The following CADM2 variants were observed in gnomAD, a reference collection of about 807,000 sequenced individuals.
The protein encoded by CADM2 is cell adhesion molecule 2.
In CADM2, 12 loss-of-function variants were observed where a neutral mutation model predicts 49.8. The observed-to-expected ratio is 0.24, with a 90% CI of 0.15 to 0.39. The LOEUF (loss-of-function observed/expected upper bound fraction) is 0.39. CADM2 is among the 10% of genes least tolerant of loss of function. The pLI, the probability that CADM2 is intolerant of heterozygous loss-of-function variation, is 1.00. For missense variants in CADM2, 378 were observed against 492.3 expected, an observed-to-expected ratio of 0.77 and a Z score of 2.20; for synonymous variants, 214 against 175.4, an observed-to-expected ratio of 1.22 and a Z score of -1.74.
intron 1 of CADM2, among the ~76,000 whole-genome samples, chr3:85,147,358 AG>A (rs2039781719): frequency 6.9e-6 from 1 of 145,468 alleles, no homozygotes; most frequent in Non-Finnish European, 1.5e-5. Context: ...CAGATTGTTT[AG>A]GCAGTGACAA....
At chr3:85,642,453 G>A (rs971185833) in intron 1 of CADM2, among the ~76,000 whole-genome samples, 1 of 151,972 alleles carries the variant, frequency 6.6e-6, no homozygotes, top group Admixed American at 6.6e-5. Context: ...TAACCTCATA[G>A]CAAGGAGGAA....
chr3:85,051,047 T>A (rs1208987369), intron 1 of CADM2, among the ~76,000 whole-genome samples: 1 of 152,192 alleles, frequency 6.6e-6, no homozygotes, highest in Non-Finnish European at 1.5e-5. Context: ...GCTCGAGGCC[T>A]TTCCAAAGCT....
intron 1 of CADM2, among the ~76,000 whole-genome samples, chr3:85,400,926 G>A (rs559788208): frequency 1.3e-5 from 2 of 152,196 alleles, no homozygotes; most frequent in South Asian, 4.1e-4. Context: ...AATCAGTTGT[G>A]TTGTATTTCT....
At chr3:85,144,291 G>C (rs72907139) in intron 1 of CADM2, among the ~76,000 whole-genome samples, 1 of 150,540 alleles carries the variant, frequency 6.6e-6, no homozygotes, top group Admixed American at 6.7e-5. Context: ...AATCTTTCTC[G>C]TGTCTTTAAA....
chr3:85,503,504 A>C (rs1372673279), intron 1 of CADM2, among the ~76,000 whole-genome samples: 1 of 152,216 alleles, frequency 6.6e-6, no homozygotes, highest in East Asian at 1.9e-4. Context: ...AATGTAACAC[A>C]ATCTAGATCA....
chr3:85,982,660 A>C (rs1346888133), intron 8 of CADM2, among the ~76,000 whole-genome samples: 1 of 151,644 alleles, frequency 6.6e-6, no homozygotes, highest in African/African-American at 2.4e-5. Context: ...AATGTTATCA[A>C]TTTTACACTG....
At chr3:85,044,208 C>T (rs932117296) in intron 1 of CADM2, among the ~76,000 whole-genome samples, 7 of 152,090 alleles carry the variant, frequency 4.6e-5, no homozygotes, top group Admixed American at 2.0e-4. Context: ...TTTGTGCATT[C>T]CATATGGGTG....
chr3:85,432,701 A>G (rs1330794940), intron 1 of CADM2, among the ~76,000 whole-genome samples: 1 of 152,176 alleles, frequency 6.6e-6, no homozygotes, highest in East Asian at 1.9e-4. Context: ...TGCTTTTGAA[A>G]TGTCAGTAAC....
intron 1 of CADM2, among the ~76,000 whole-genome samples, chr3:85,578,200 A>G (rs1053207591): frequency 6.6e-6 from 1 of 152,036 alleles, no homozygotes; most frequent in Admixed American, 6.5e-5. Context: ...AATAGGTGTC[A>G]TGTGATGACA....
intron 8 of CADM2, among the ~76,000 whole-genome samples, chr3:86,042,543 T>C (rs1000858259): frequency 1.3e-5 from 2 of 152,072 alleles, no homozygotes; most frequent in African/African-American, 4.8e-5. Flanking sequence ...AAGTTGAATC[T>C]CTGAATAGAC....
chr3:85,971,200 A>G (rs1490513424), intron 8 of CADM2, among the ~76,000 whole-genome samples: 1 of 151,640 alleles, frequency 6.6e-6, no homozygotes, highest in Non-Finnish European at 1.5e-5. Flanking sequence ...TGCATTTTGA[A>G]TCTGAACCAA....
chr3:86,064,847 T>C (rs922049119), intron 8 of CADM2, among the ~76,000 whole-genome samples: 3 of 152,218 alleles, frequency 2.0e-5, no homozygotes, highest in African/African-American at 7.2e-5. Flanking sequence ...TTAATTTGTC[T>C]CTTTCCAATC....
At chr3:85,169,756 C>T (rs548760498) in intron 1 of CADM2, among the ~76,000 whole-genome samples, 47 of 151,990 alleles carry the variant, frequency 3.1e-4, no homozygotes, top group African/African-American at 8.4e-4. Context: ...GGCGACAGAG[C>T]GAGAATGCCT....
intron 3 of CADM2, among the ~76,000 whole-genome samples, chr3:85,872,998 A>G (rs898724984): frequency 6.6e-6 from 1 of 152,152 alleles, no homozygotes; most frequent in Non-Finnish European, 1.5e-5. Flanking sequence ...CACTTGGCTC[A>G]TGGTTCTGGA....
At chr3:85,676,488 G>C (rs1333647555) in intron 1 of CADM2, among the ~76,000 whole-genome samples, 1 of 151,848 alleles carries the variant, frequency 6.6e-6, no homozygotes, top group Non-Finnish European at 1.5e-5. Context: ...TAACTTACCT[G>C]CTTATTAAAA....
chr3:85,306,262 C>T (rs2044210197), intron 1 of CADM2, among the ~76,000 whole-genome samples: 1 of 151,532 alleles, frequency 6.6e-6, no homozygotes, highest in African/African-American at 2.4e-5. Context: ...TTTAGTCCTG[C>T]TTTAAATATA....
chr3:85,453,949 A>G (rs1031053103), intron 1 of CADM2, among the ~76,000 whole-genome samples: 4 of 152,208 alleles, frequency 2.6e-5, no homozygotes, highest in Non-Finnish European at 5.9e-5. Context: ...TTTACATGGT[A>G]AAAACTACCA....
At chr3:85,448,827 G>T (rs1436479121) in intron 1 of CADM2, among the ~76,000 whole-genome samples, 3 of 151,814 alleles carry the variant, frequency 2.0e-5, no homozygotes, top group Non-Finnish European at 4.4e-5. Flanking sequence ...GAGGCTTGTG[G>T]ATCACGAGGT....
intron 1 of CADM2, among the ~76,000 whole-genome samples, chr3:85,318,102 G>A (rs902369133): frequency 2.0e-5 from 3 of 151,422 alleles, no homozygotes; most frequent in African/African-American, 7.3e-5. Flanking sequence ...CCCCAGAGGC[G>A]GAGGTTGCAG....
Sources: allele counts gnomAD v4.1 joint callset (sites outside exome capture counted in the v4.1 genomes callset), GRCh38; gene constraint gnomAD v4.1.1; transcripts MANE v1.5; gene names NCBI Gene and HGNC (gene_info 2026-07-23, HGNC 2026-07-21).